ZBTB43: variants seen among roughly 807,000 people sequenced by gnomAD.
The protein encoded by ZBTB43 is zinc finger and BTB domain-containing protein 43.
In ZBTB43, 6 loss-of-function variants were observed where a neutral mutation model predicts 31.1. The observed-to-expected ratio is 0.19, with a 90% CI of 0.11 to 0.38. The LOEUF (loss-of-function observed/expected upper bound fraction) is 0.38. Ranked by LOEUF, ZBTB43 falls within the 10% of genes least tolerant of loss-of-function variation. ZBTB43 has a pLI of 1.00. For synonymous variants in ZBTB43, 212 were observed against 221.7 expected (o/e 0.96, Z 0.39); for missense variants, 379 against 602.1 (o/e 0.63, Z 3.88).
At position 126,837,231 on chromosome 9, in the gene ZBTB43, G is replaced by T. The variant is rs2032900789; in HGVS notation, c.*3318G>T. On this transcript the variant is annotated 3_prime_UTR_variant, in exon 3 of 3. Transcript: ENST00000373464. Reference sequence around the variant, plus strand: ...GGACTGCGGTAACTTACCCTGCAGGGCTGTAGGTTGCCTGCAGGCGCTCCA... The same window carrying T: ...GGACTGCGGTAACTTACCCTGCAGGTCTGTAGGTTGCCTGCAGGCGCTCCA... 1 of 167,090 alleles carries T rather than the reference G, an allele frequency of 6.0e-6. No individual in the cohort carries two copies. Among genetic ancestry groups the T allele is most frequent in the South Asian group, 2.1e-4 (1 of 4,824 alleles). 10.4% of individuals were successfully genotyped at this position (167,090 alleles called of 1,614,324 possible).
At chr9:126,826,589 G>A (rs558905564) in intron 2 of ZBTB43, among the ~76,000 whole-genome samples, 29 of 143,864 alleles carry the variant, frequency 2.0e-4, no homozygotes, top group Admixed American at 7.3e-4. Flanking sequence ...TCAGCCTCCC[G>A]AGTAGCTGGG....
chr9:126,811,256 T>A (rs572529652), intron 2 of ZBTB43, among the ~76,000 whole-genome samples: 2 of 152,048 alleles, frequency 1.3e-5, no homozygotes, highest in East Asian at 1.9e-4. Context: ...TATATTCACC[T>A]TTTCTTTCCA....
At chr9:126,826,624 T>C (rs2032646719) in intron 2 of ZBTB43, among the ~76,000 whole-genome samples, 1 of 151,486 alleles carries the variant, frequency 6.6e-6, no homozygotes, top group Non-Finnish European at 1.5e-5. Flanking sequence ...CCACCACGCC[T>C]GGCTAATTTT....
intron 2 of ZBTB43, among the ~76,000 whole-genome samples, chr9:126,821,351 G>T (rs948170639): frequency 1.3e-5 from 2 of 151,996 alleles, no homozygotes; most frequent in African/African-American, 4.8e-5. Context: ...ACTCCAGCCT[G>T]GGCAACAGAG....
At chr9:126,814,268 T>G in intron 2 of ZBTB43, among the ~76,000 whole-genome samples, 1 of 150,950 alleles carries the variant, frequency 6.6e-6, no homozygotes, top group Non-Finnish European at 1.5e-5. Context: ...TCATCCTGAT[T>G]TTTACAGATG....
chr9:126,819,207 A>G (rs1291473844), intron 2 of ZBTB43, among the ~76,000 whole-genome samples: 3 of 151,468 alleles, frequency 2.0e-5, no homozygotes, highest in Non-Finnish European at 4.4e-5. Context: ...ATCCTGGAGA[A>G]TGTACTGTGT....
At chr9:126,818,001 C>T (rs1007340013) in intron 2 of ZBTB43, among the ~76,000 whole-genome samples, 6 of 151,846 alleles carry the variant, frequency 4.0e-5, no homozygotes, top group African/African-American at 1.5e-4. Context: ...CTGTGTATTG[C>T]TTTGGGTAGT....
intron 2 of ZBTB43, among the ~76,000 whole-genome samples, chr9:126,820,967 C>CAAAAAAAAAA (rs36023653): frequency 3.6e-5 from 3 of 83,490 alleles, no homozygotes; most frequent in African/African-American, 1.7e-4. Flanking sequence ...ACCCCCATCT[C>CAAAAAAAAAA]AAAAAAAAAA....
At chr9:126,811,807 G>A (rs1263088626) in intron 2 of ZBTB43, among the ~76,000 whole-genome samples, 1 of 152,050 alleles carries the variant, frequency 6.6e-6, no homozygotes, top group Non-Finnish European at 1.5e-5. Context: ...TGTGTTTTTA[G>A]TAGAGACGGG....
intron 2 of ZBTB43, among the ~76,000 whole-genome samples, chr9:126,820,689 C>T (rs1450524975): frequency 1.3e-5 from 2 of 152,014 alleles, no homozygotes; most frequent in Non-Finnish European, 1.5e-5. Context: ...CATTTTGAGC[C>T]AGGTGCAGCA....
At chr9:126,804,469 G>T (rs1229366292), upstream of ZBTB43, among the ~76,000 whole-genome samples, 1 of 150,852 alleles carries the variant, frequency 6.6e-6, no homozygotes, top group East Asian at 2.0e-4. Flanking sequence ...GAAGGTCAAG[G>T]TGTTTTTGTT....
At chr9:126,828,359 A>AT (rs2032689862) in intron 2 of ZBTB43, among the ~76,000 whole-genome samples, 1 of 151,548 alleles carries the variant, frequency 6.6e-6, no homozygotes, top group Non-Finnish European at 1.5e-5. Flanking sequence ...AATTTTTTGT[A>AT]GTTTTAGTAG....
intron 1 of ZBTB43, among the ~76,000 whole-genome samples, chr9:126,807,480 T>G (rs2032152347): frequency 6.6e-6 from 1 of 152,214 alleles, no homozygotes; most frequent in Admixed American, 6.5e-5. Context: ...ACCTCAGCAG[T>G]TCTCTATCAT....
chr9:126,830,062 G>C (rs1027208343), intron 2 of ZBTB43, among the ~76,000 whole-genome samples: 4 of 152,126 alleles, frequency 2.6e-5, no homozygotes, highest in Non-Finnish European at 4.4e-5. Flanking sequence ...AGAGTGATGT[G>C]ATAAGAAAAA....
At chr9:126,810,451 C>T (rs982931078) in intron 2 of ZBTB43, among the ~76,000 whole-genome samples, 2 of 151,280 alleles carry the variant, frequency 1.3e-5, no homozygotes, top group Non-Finnish European at 2.9e-5. Flanking sequence ...TCTCGTGCTC[C>T]CAAAGTGCTG....
At chr9:126,820,645 ATTTCAAT>A (rs2032489202) in intron 2 of ZBTB43, among the ~76,000 whole-genome samples, 2 of 152,126 alleles carry the variant, frequency 1.3e-5, no homozygotes, top group Non-Finnish European at 1.5e-5. Flanking sequence ...CCAAGGAGTA[ATTTCAAT>A]TTTCAAGTGT....
chr9:126,819,660 A>G (rs1397291644), intron 2 of ZBTB43, among the ~76,000 whole-genome samples: 2 of 152,026 alleles, frequency 1.3e-5, no homozygotes, highest in African/African-American at 2.4e-5. Flanking sequence ...TAAACCTACA[A>G]TGGCCTGGTG....
rs767109960 is a variant in ZBTB43, at chr9:126,811,218, A to C, written c.-24+2303A>C. On this transcript the variant is annotated intron_variant, in intron 2 of 2. Coordinates refer to ENST00000373464, the MANE Select transcript of ZBTB43 (RefSeq NM_014007.4). ...GCCTGGGCGACAGAGACTCCATCTC[A>C]AAAAAAAAAAAAAAAAGAAGAAAAA... is the stretch of plus-strand genomic sequence containing the variant. Among the ~76,000 whole-genome samples the C allele has an allele frequency of 1.5e-3, 174 of 118,464 alleles. 1 individual carries two copies. The Middle Eastern group carries it at 0.027, about 18-fold the overall frequency. 77.7% of individuals were successfully genotyped at this position (118,464 alleles called of 152,430 possible).
chr9:126,807,313 A>G (rs1335797056), intron 1 of ZBTB43, among the ~76,000 whole-genome samples: 12 of 152,228 alleles, frequency 7.9e-5, no homozygotes, highest in Admixed American at 7.9e-4. Context: ...TGCCTATTCT[A>G]ATGCATATAT....
Sources: gnomAD v4.1 joint callset for allele counts (sites outside exome capture counted in the v4.1 genomes callset) on GRCh38, gnomAD v4.1.1 for gene constraint, MANE v1.5 for transcripts, NCBI Gene and HGNC (gene_info 2026-07-23, HGNC 2026-07-21) for gene names.